Variants in BCL2L11 observed in about 807,000 individuals in gnomAD.
BCL2L11 encodes bcl-2-like protein 11.
Under a neutral mutation model 20.6 loss-of-function variants are expected in BCL2L11, and 15 were observed. The observed-to-expected ratio is 0.73, with a 90% CI of 0.49 to 1.12. BCL2L11 has a LOEUF of 1.12. Ranked by LOEUF, BCL2L11 falls within the 50% of genes most tolerant of loss-of-function variation. BCL2L11 has a pLI of 0.00. For missense variants in BCL2L11, 292 were observed against 260.9 expected (o/e 1.12, Z -0.82); for synonymous variants, 108 against 92.8 (o/e 1.16, Z -0.94).
intron 2 of BCL2L11, chr2:111,146,080 G>T (rs2076472708): frequency 1.0e-6 from 1 of 984,662 alleles, no homozygotes; most frequent in Non-Finnish European, 1.2e-6. Flanking sequence ...ATATTTTATT[G>T]TGCTTTAAAA....
chr2:111,152,140 G>A (rs1433474441), intron 3 of BCL2L11, among the ~76,000 whole-genome samples: 1 of 152,202 alleles, frequency 6.6e-6, no homozygotes, highest in East Asian at 1.9e-4. Context: ...TTCTGGTATT[G>A]TGTCCAGAAT....
At chr2:111,161,606 G>A (rs1166599647) in intron 3 of BCL2L11, 2 of 1,493,348 alleles carry the variant, frequency 1.3e-6, no homozygotes, top group East Asian at 2.5e-5. Flanking sequence ...CACTGCAAAT[G>A]ACAGCTCCTG....
chr2:111,144,584 A>G (rs2076259904), intron 2 of BCL2L11: 1 of 1,473,540 alleles, frequency 6.8e-7, no homozygotes, highest in South Asian at 1.2e-5. Context: ...TAAGCTTTGG[A>G]TAACTCTGAA....
At chr2:111,125,412 C>G (rs576196090) in intron 2 of BCL2L11, among the ~76,000 whole-genome samples, 1 of 152,226 alleles carries the variant, frequency 6.6e-6, no homozygotes, top group African/African-American at 2.4e-5. Flanking sequence ...GACCATTTGT[C>G]CAGATTAGCT....
At chr2:111,154,231 G>A (rs1389608221) in intron 3 of BCL2L11, among the ~76,000 whole-genome samples, 1 of 151,824 alleles carries the variant, frequency 6.6e-6, no homozygotes, top group Non-Finnish European at 1.5e-5. Flanking sequence ...CCCAAAAATA[G>A]GAGTAATCCC....
Position 111,131,051 on chromosome 2 carries a change from G to C in BCL2L11, c.394+6912G>C, listed in dbSNP as rs570121139. Among the ~76,000 whole-genome samples, 4 of 152,190 alleles carry C rather than the reference G, an allele frequency of 2.6e-5. No individual in the cohort carries two copies. The East Asian group carries it at 7.7e-4, about 29-fold the overall frequency. ...ATTTGCGCCTAAGTTCTTGAGAGGG[G>C]TCTGTCGTCTTCTTTTAAGACTGGT... On this transcript the variant is annotated intron_variant, in intron 2 of 3. Coordinates refer to ENST00000393256, the MANE Select transcript of BCL2L11 (RefSeq NM_138621.5).
intron 3 of BCL2L11, among the ~76,000 whole-genome samples, chr2:111,154,589 G>A (rs538003810): frequency 1.6e-4 from 25 of 152,276 alleles, no homozygotes; most frequent in African/African-American, 5.5e-4. Flanking sequence ...TTTCTGATGG[G>A]AGCACTCCAG....
intron 3 of BCL2L11, among the ~76,000 whole-genome samples, chr2:111,152,136 T>G (rs10193696): frequency 0.026 from 3,969 of 152,252 alleles, 170 homozygotes; most frequent in African/African-American, 0.089. Flanking sequence ...CCGATTCTGG[T>G]ATTGTGTCCA....
At chr2:111,158,892 A>G (rs1233216416) in intron 3 of BCL2L11, among the ~76,000 whole-genome samples, 1 of 152,076 alleles carries the variant, frequency 6.6e-6, no homozygotes, top group Non-Finnish European at 1.5e-5. Context: ...TGTGTTACAC[A>G]CATTTGCGCT....
rs1195688115 is a variant in BCL2L11 at position 111,166,810 on chromosome 2, A to G, written c.*2579A>G. 1 of 152,604 alleles carries G rather than the reference A, an allele frequency of 6.6e-6. No homozygotes were observed. The highest frequency in any genetic ancestry group is 2.4e-5 in the African/African-American group (1 of 41,430). The allele number at this position is 152,604 out of a possible 1,614,324, so 9.5% of individuals were successfully genotyped here. A position where few individuals can be genotyped will look rare whatever the true frequency, so the allele number is the denominator to read the frequency against. ...GAAATCAAGTTTAAAATTCCTTCTG[A>G]TTAAAAAAATATAGTGGAATACAAT... On this transcript the variant is annotated 3_prime_UTR_variant, in exon 4 of 4. Transcript: ENST00000393256.
intron 2 of BCL2L11, among the ~76,000 whole-genome samples, chr2:111,135,650 G>A (rs2074737449): frequency 6.6e-6 from 1 of 152,188 alleles, no homozygotes; most frequent in African/African-American, 2.4e-5. Context: ...TAATTAGCCA[G>A]ATGGGGCGAA....
intron 2 of BCL2L11, among the ~76,000 whole-genome samples, chr2:111,124,437 C>T (rs1032505776): frequency 6.6e-6 from 1 of 152,040 alleles, no homozygotes; most frequent in Non-Finnish European, 1.5e-5. Context: ...ACTACAGGCG[C>T]GTGCCACCAC....
chr2:111,127,164 A>AT (rs1410029011), intron 2 of BCL2L11, among the ~76,000 whole-genome samples: 2 of 152,100 alleles, frequency 1.3e-5, no homozygotes, highest in Non-Finnish European at 2.9e-5. Flanking sequence ...TGAATAACTG[A>AT]TTATTTTTAT....
chr2:111,146,015 T>G (rs2076465111), intron 2 of BCL2L11: 3 of 984,884 alleles, frequency 3.0e-6, no homozygotes, highest in Non-Finnish European at 3.6e-6. Context: ...CTTGCAGGAT[T>G]GGAGCTTTTG....
intron 3 of BCL2L11, among the ~76,000 whole-genome samples, chr2:111,160,406 G>GC (rs561697400): frequency 1.4e-3 from 213 of 152,298 alleles, no homozygotes; most frequent in African/African-American, 4.6e-3. Flanking sequence ...TTGAAGTCAG[G>GC]CCCCCCACCT....
chr2:111,147,803 T>G (rs1011922609), intron 2 of BCL2L11, among the ~76,000 whole-genome samples: 1 of 152,188 alleles, frequency 6.6e-6, no homozygotes, highest in Non-Finnish European at 1.5e-5. Flanking sequence ...GGGGAATTAT[T>G]TTTGTTTTGT....
chr2:111,145,965 A>G (rs2076457590), intron 2 of BCL2L11: 2 of 971,342 alleles, frequency 2.1e-6, no homozygotes, highest in Non-Finnish European at 2.4e-6. Context: ...GAAAGAAAAC[A>G]TGGATCTGCC....
At chr2:111,130,951 A>C (rs1335784335) in intron 2 of BCL2L11, among the ~76,000 whole-genome samples, 2 of 152,156 alleles carry the variant, frequency 1.3e-5, no homozygotes, top group Admixed American at 1.3e-4. Flanking sequence ...TGTCTGAGAC[A>C]AATCCTGCGT....
intron 2 of BCL2L11, chr2:111,144,666 C>G: frequency 1.8e-6 from 2 of 1,114,948 alleles, no homozygotes; most frequent in South Asian, 3.3e-5. Context: ...TGGAATTTTT[C>G]TTTCTCTAAA....
Sources: gnomAD v4.1 joint callset for allele counts (sites outside exome capture counted in the v4.1 genomes callset) on GRCh38, gnomAD v4.1.1 for gene constraint, MANE v1.5 for transcripts, NCBI Gene and HGNC (gene_info 2026-07-23, HGNC 2026-07-21) for gene names.